SYTL5: variants seen among roughly 807,000 people sequenced by gnomAD.
SYTL5 encodes the protein synaptotagmin-like protein 5.
SYTL5 carries 34 observed loss-of-function variants against 55.9 expected under a neutral mutation model. That is an observed-to-expected ratio of 0.61 (90% confidence interval 0.46 to 0.81). SYTL5 has a LOEUF of 0.81. Ranked by LOEUF, SYTL5 falls within the 30% of genes least tolerant of loss-of-function variation. The pLI, the probability that SYTL5 is intolerant of heterozygous loss-of-function variation, is 0.00. For synonymous variants in SYTL5, 221 were observed against 188.7 expected (o/e 1.17, Z -1.40); for missense variants, 637 against 546.7 (o/e 1.17, Z -1.65).
At chrX:38,005,095 T>C (rs187812001), upstream of SYTL5, among the ~76,000 whole-genome samples, 133 of 111,177 alleles carry the variant, frequency 1.2e-3, no homozygotes, top group African/African-American at 4.1e-3. Context: ...ATCCTAAAAC[T>C]CAGCCCTTAC....
At position 38,128,480 on chromosome X, in the gene SYTL5, C is replaced by G. The variant is rs1937723157; in HGVS notation, c.*1750C>G. Reference sequence around the variant, plus strand: ...TATAAAATCCTCGAAAGTTTAGAAACTAGGTTTTAGTAGTAACGGAGCTAG... The same window carrying G: ...TATAAAATCCTCGAAAGTTTAGAAAGTAGGTTTTAGTAGTAACGGAGCTAG... On this transcript the variant is annotated 3_prime_UTR_variant, in exon 17 of 17. Transcript: ENST00000297875. 9.0e-6 allele frequency: 1 copy of G among 111,404 alleles called. No individual in the cohort carries two copies. The highest frequency in any genetic ancestry group is 1.9e-5 in the Non-Finnish European group (1 of 53,094). The allele number at this position is 111,404 out of a possible 1,213,427, so 9.2% of individuals were successfully genotyped here.
the SYTL5 span, among the ~76,000 whole-genome samples, chrX:37,938,449 T>C: frequency 1.5e-4 from 17 of 112,583 alleles, no homozygotes; most frequent in African/African-American, 4.8e-4. Context: ...TTTTCATTTC[T>C]TTATACTATA....
the SYTL5 span, among the ~76,000 whole-genome samples, chrX:37,949,049 T>C: frequency 9.0e-6 from 1 of 111,495 alleles, no homozygotes; most frequent in African/African-American, 3.3e-5. Context: ...TTCCAACCCG[T>C]TTCTTCTCTT....
chrX:37,992,966 G>A, the SYTL5 span, among the ~76,000 whole-genome samples: 4 of 110,521 alleles, frequency 3.6e-5, no homozygotes, highest in Non-Finnish European at 5.7e-5. Context: ...CGTGAGTCAA[G>A]TGTAAATAGA....
intron 2 of SYTL5, among the ~76,000 whole-genome samples, chrX:38,044,937 A>G (rs1379962686): frequency 8.9e-6 from 1 of 111,929 alleles, no homozygotes; most frequent in African/African-American, 3.2e-5. Flanking sequence ...TATAGTGAAT[A>G]AACAGCAAGG....
At chrX:38,026,175 A>G (rs1049642284) in intron 1 of SYTL5, among the ~76,000 whole-genome samples, 4 of 112,406 alleles carry the variant, frequency 3.6e-5, no homozygotes, top group African/African-American at 1.3e-4. Flanking sequence ...CCCTTTCTCT[A>G]GTTGGAGTCT....
chrX:38,016,350 G>A (rs989464363), intron 1 of SYTL5, among the ~76,000 whole-genome samples: 6 of 111,584 alleles, frequency 5.4e-5, no homozygotes, highest in Admixed American at 9.6e-5. Flanking sequence ...CCTTTAAGGA[G>A]CAGAAATGTT....
intron 3 of SYTL5, among the ~76,000 whole-genome samples, chrX:38,066,269 A>T (rs1936098902): frequency 8.9e-6 from 1 of 111,917 alleles, no homozygotes; most frequent in Non-Finnish European, 1.9e-5. Flanking sequence ...TCTTTTGGTC[A>T]TTATTCTTTT....
At chrX:37,961,060 G>A in the SYTL5 span, among the ~76,000 whole-genome samples, 28 of 109,980 alleles carry the variant, frequency 2.5e-4, no homozygotes, top group African/African-American at 7.9e-4. Context: ...CTGGGATTAC[G>A]GGTGTGAGCC....
At chrX:37,893,574 CTATA>C in the SYTL5 span, among the ~76,000 whole-genome samples, 2 of 85,057 alleles carry the variant, frequency 2.4e-5, no homozygotes, top group Non-Finnish European at 4.4e-5. Flanking sequence ...TATATACAAT[CTATA>C]TATAATCTAT....
upstream of SYTL5, among the ~76,000 whole-genome samples, chrX:38,006,420 GAC>G (rs1421016485): frequency 8.9e-6 from 1 of 111,801 alleles, no homozygotes; most frequent in Non-Finnish European, 1.9e-5. Context: ...GATCAACAGA[GAC>G]ATTCCTTTTT....
chrX:38,036,113 C>T (rs996822987), intron 2 of SYTL5, among the ~76,000 whole-genome samples: 5 of 109,820 alleles, frequency 4.6e-5, no homozygotes, highest in Admixed American at 2.9e-4. Context: ...TGAGACCAGC[C>T]TGGCCAACAT....
intron 13 of SYTL5, among the ~76,000 whole-genome samples, chrX:38,113,968 C>T (rs1210615303): frequency 9.0e-6 from 1 of 111,481 alleles, no homozygotes; most frequent in Admixed American, 9.5e-5. Flanking sequence ...CTCCAGAGTA[C>T]CCCTATGGGA....
Position 38,128,636 on chromosome X carries a change from T to C in SYTL5, c.*1906T>C, listed in dbSNP as rs1937726955. On this transcript the variant is annotated 3_prime_UTR_variant, in exon 17 of 17. Coordinates refer to ENST00000297875, the MANE Select transcript of SYTL5 (RefSeq NM_138780.3). ...AATACGCAATCCAGTTTCAATTTTA[T>C]TCAGAAGTAGGTCACCTAATTCTAG... is the stretch of plus-strand genomic sequence containing the variant. 1 of 112,087 alleles carries C rather than the reference T, an allele frequency of 8.9e-6. No individual in the cohort carries two copies. Among genetic ancestry groups the C allele is most frequent in the South Asian group, 3.7e-4 (1 of 2,701 alleles). 9.2% of individuals were successfully genotyped at this position (112,087 alleles called of 1,213,427 possible).
At chrX:37,922,606 C>A in the SYTL5 span, among the ~76,000 whole-genome samples, 1 of 111,854 alleles carries the variant, frequency 8.9e-6, no homozygotes, top group Non-Finnish European at 1.9e-5. Flanking sequence ...TTTGGCAATG[C>A]CCTTTATTAT....
the SYTL5 span, among the ~76,000 whole-genome samples, chrX:37,895,454 T>TTCCC: frequency 1.9e-3 from 159 of 82,833 alleles, 1 homozygote; most frequent in African/African-American, 7.5e-3. Flanking sequence ...CCTTCCTTCC[T>TTCCC]TCCCTCCCTC....
In SYTL5 at chrX:38,094,365, A is replaced by G. The variant is rs2147532056; in HGVS notation, c.902A>G (p.His301Arg). The change falls in exon 8 of 17, where the codon CAC (histidine) becomes CGC (arginine). Residue 301 changes from histidine to arginine, a missense_variant. By Grantham distance (29) the His-to-Arg change is conservative. Transcript: ENST00000297875. The stretch of plus-strand genomic sequence containing the variant: ...ACCTCTCAGGAGCTCACAAAGAGTC[A>G]CCGCAGAAACACTTCTGGCACACCT... The part of the protein sequence containing the change: ...EGTSQELTKS[H>R]RRNTSGTPSI... 1 of 1,206,178 alleles carries G rather than the reference A, an allele frequency of 8.3e-7. No individual in the cohort carries two copies. The highest frequency in any genetic ancestry group is 1.1e-6 in the Non-Finnish European group (1 of 891,563).
intron 2 of SYTL5, among the ~76,000 whole-genome samples, chrX:38,039,518 A>T (rs1275235355): frequency 8.9e-6 from 1 of 112,264 alleles, no homozygotes; most frequent in Non-Finnish European, 1.9e-5. Context: ...AAATCTCATT[A>T]ACAAATTTTT....
At chrX:37,920,904 G>A in the SYTL5 span, among the ~76,000 whole-genome samples, 3 of 111,205 alleles carry the variant, frequency 2.7e-5, no homozygotes, top group Non-Finnish European at 5.7e-5. Context: ...TCCTTCACAG[G>A]CCCACCTGAC....
Sources: allele counts gnomAD v4.1 joint callset (sites outside exome capture counted in the v4.1 genomes callset), GRCh38; gene constraint gnomAD v4.1.1; transcripts MANE v1.5; gene names NCBI Gene and HGNC (gene_info 2026-07-23, HGNC 2026-07-21).